The following DPP10 variants were observed in gnomAD, a reference collection of about 807,000 sequenced individuals.
DPP10 encodes the protein dipeptidyl peptidase like 10.
In DPP10, 33 loss-of-function variants were observed where a neutral mutation model predicts 120.9. The ratio of observed to expected loss-of-function variants is 0.27; its 90% CI spans 0.21 to 0.37. DPP10 has a LOEUF of 0.37. DPP10 is among the 10% of genes least tolerant of loss of function. The pLI, the probability that DPP10 is intolerant of heterozygous loss-of-function variation, is 1.00. For missense variants in DPP10, 816 were observed against 942.8 expected (o/e 0.87, Z 1.76); for synonymous variants, 337 against 326.1 (o/e 1.03, Z -0.36).
chr2:115,276,541 G>C (rs2059928415), intron 1 of DPP10, among the ~76,000 whole-genome samples: 2 of 152,176 alleles, frequency 1.3e-5, no homozygotes, highest in Non-Finnish European at 2.9e-5. Flanking sequence ...GTGTCCAAGA[G>C]AAGACTGTCA....
At chr2:115,575,908 C>T (rs1380932818) in intron 5 of DPP10, among the ~76,000 whole-genome samples, 2 of 152,158 alleles carry the variant, frequency 1.3e-5, no homozygotes, top group African/African-American at 4.8e-5. Context: ...TGGGAAATAC[C>T]TTCAGTCACA....
chr2:114,989,547 C>T (rs1700632444), intron 1 of DPP10, among the ~76,000 whole-genome samples: 1 of 152,150 alleles, frequency 6.6e-6, no homozygotes, highest in Admixed American at 6.5e-5. Context: ...AATTGCAACA[C>T]AATGACGAAT....
chr2:114,685,326 T>C (rs1165215712), intron 1 of DPP10, among the ~76,000 whole-genome samples: 1 of 150,316 alleles, frequency 6.7e-6, no homozygotes, highest in East Asian at 1.9e-4. Context: ...CTGGGATAGT[T>C]ATTTTGCCAC....
At chr2:115,617,272 T>TTATATA (rs1553462561) in intron 5 of DPP10, among the ~76,000 whole-genome samples, 5 of 135,876 alleles carry the variant, frequency 3.7e-5, no homozygotes, top group Admixed American at 1.5e-4. Flanking sequence ...TATATATTTT[T>TTATATA]TATATATATA....
chr2:114,926,227 T>G lies in DPP10; in HGVS notation c.61-383012T>G, dbSNP rs551906641. Among the ~76,000 whole-genome samples, 3 of 152,314 alleles carry G rather than the reference T, an allele frequency of 2.0e-5. No homozygotes were observed. The South Asian group carries it at 6.2e-4, about 32-fold the overall frequency. On this transcript the variant is annotated intron_variant, in intron 1 of 25. Transcript: ENST00000410059. ...GACTCTTCTGCAAAGAAGACGGAAT[T>G]TAAGGTAACTTCTTCACTTGGTGTT...
At chr2:114,517,521 C>CAAA (rs70937285) in intron 1 of DPP10, among the ~76,000 whole-genome samples, 14 of 123,940 alleles carry the variant, frequency 1.1e-4, no homozygotes, top group African/African-American at 3.6e-4. Flanking sequence ...GACTCCGTCT[C>CAAA]AAAAAAAAAA....
intron 7 of DPP10, among the ~76,000 whole-genome samples, chr2:115,714,730 T>G (rs2092432231): frequency 6.6e-6 from 1 of 152,184 alleles, no homozygotes; most frequent in South Asian, 2.1e-4. Context: ...GCCCTTTCTC[T>G]GCTTAGAAAA....
chr2:114,543,828 A>T (rs1036994142), intron 1 of DPP10, among the ~76,000 whole-genome samples: 23 of 151,142 alleles, frequency 1.5e-4, no homozygotes, highest in African/African-American at 5.4e-4. Context: ...AGTCTACTAG[A>T]CTTTTGGCCT....
intron 1 of DPP10, among the ~76,000 whole-genome samples, chr2:114,807,858 A>G (rs1264135993): frequency 6.6e-6 from 1 of 152,194 alleles, no homozygotes; most frequent in African/African-American, 2.4e-5. Flanking sequence ...TCACCTGAAG[A>G]GGCTCAGATG....
In DPP10 at chr2:114,865,474, C is replaced by A. The variant is rs578085333; in HGVS notation, c.60+422636C>A. 3.0e-4 allele frequency among the ~76,000 whole-genome samples: 45 copies of A among 152,320 alleles called. No homozygotes were observed. In the South Asian group the frequency reaches 7.0e-3, roughly 24 times the overall value. On this transcript the variant is annotated intron_variant, in intron 1 of 25. Transcript: ENST00000410059. ...CTGAAAACGAATGGCTTACTTTACA[C>A]ATTAGGACTTAAAATGCAGCACTCC... is the stretch of plus-strand genomic sequence containing the variant.
intron 3 of DPP10, among the ~76,000 whole-genome samples, chr2:115,365,836 A>T (rs1159382372): frequency 6.6e-6 from 1 of 152,040 alleles, no homozygotes; most frequent in Non-Finnish European, 1.5e-5. Flanking sequence ...CCTGTTTGGG[A>T]ATTAAAATAA....
At chr2:114,619,658 T>C (rs1558938344) in intron 1 of DPP10, among the ~76,000 whole-genome samples, 1 of 151,992 alleles carries the variant, frequency 6.6e-6, no homozygotes, top group Non-Finnish European at 1.5e-5. Flanking sequence ...GATGGCAGCA[T>C]ATCTCACCAC....
intron 1 of DPP10, among the ~76,000 whole-genome samples, chr2:114,559,047 T>A (rs1401993778): frequency 6.6e-6 from 1 of 152,160 alleles, no homozygotes; most frequent in African/African-American, 2.4e-5. Flanking sequence ...TACAAGTACA[T>A]TCAAGTACAT....
At chr2:115,672,325 AT>A (rs5833619) in intron 5 of DPP10, among the ~76,000 whole-genome samples, 12 of 150,566 alleles carry the variant, frequency 8.0e-5, no homozygotes, top group South Asian at 2.1e-4. Context: ...AAAATACTCT[AT>A]TTTTTTTTCC....
At chr2:115,771,165 C>T (rs1681417237) in intron 13 of DPP10, among the ~76,000 whole-genome samples, 1 of 151,980 alleles carries the variant, frequency 6.6e-6, no homozygotes, top group African/African-American at 2.4e-5. Context: ...ACCCCCTCCT[C>T]CCAGGTTCAA....
At chr2:115,060,716 C>T (rs935522182) in intron 1 of DPP10, among the ~76,000 whole-genome samples, 1 of 152,174 alleles carries the variant, frequency 6.6e-6, no homozygotes, top group South Asian at 2.1e-4. Flanking sequence ...TTTTATTATT[C>T]TGACAGGTTT....
intron 1 of DPP10, among the ~76,000 whole-genome samples, chr2:114,502,083 G>A (rs13407464): frequency 0.012 from 1,891 of 151,636 alleles, 45 homozygotes; most frequent in African/African-American, 0.043. Context: ...TTACAGGCAC[G>A]CACCACCACG....
intron 1 of DPP10, among the ~76,000 whole-genome samples, chr2:115,173,346 G>A (rs983092881): frequency 2.0e-5 from 3 of 152,170 alleles, no homozygotes; most frequent in African/African-American, 7.2e-5. Flanking sequence ...TTTAGTTAAG[G>A]AAAACACAGG....
chr2:115,233,019 T>G (rs2057814399), intron 1 of DPP10, among the ~76,000 whole-genome samples: 1 of 120,274 alleles, frequency 8.3e-6, no homozygotes, highest in South Asian at 2.7e-4. Flanking sequence ...CTAGCAACTT[T>G]ATCGATAGTG....
Sources: allele counts gnomAD v4.1 joint callset (sites outside exome capture counted in the v4.1 genomes callset), GRCh38; gene constraint gnomAD v4.1.1; transcripts MANE v1.5; gene names NCBI Gene and HGNC (gene_info 2026-07-23, HGNC 2026-07-21).